The following ARHGAP6 variants were observed in gnomAD, a reference collection of about 807,000 sequenced individuals.
ARHGAP6 encodes the protein rho GTPase-activating protein 6.
A neutral mutation model predicts 55.7 loss-of-function variants in ARHGAP6; 16 were observed. The ratio of observed to expected loss-of-function variants is 0.29; its 90% CI spans 0.19 to 0.44. ARHGAP6 has a LOEUF of 0.44. Among genes scored for constraint, ARHGAP6 ranks in the 20% least tolerant of loss-of-function variants. The pLI is 1.00. For synonymous variants in ARHGAP6, 382 were observed against 360.9 expected (o/e 1.06, Z -0.66); for missense variants, 698 against 808.9 (o/e 0.86, Z 1.66).
intron 1 of ARHGAP6, among the ~76,000 whole-genome samples, chrX:11,282,653 T>G (rs2047872020): frequency 8.9e-6 from 1 of 112,165 alleles, no homozygotes; most frequent in African/African-American, 3.2e-5. Flanking sequence ...GAAACAGAAT[T>G]TCTGGAGGTG....
chrX:11,266,046 T>C (rs992236510), intron 1 of ARHGAP6: 6 of 338,263 alleles, frequency 1.8e-5, no homozygotes, highest in Admixed American at 9.9e-5. Context: ...TGTGTGTGTG[T>C]GTGTGTGTGT....
chrX:11,196,949 C>T lies in ARHGAP6; in HGVS notation c.796G>A (p.Gly266Arg). The part of the protein sequence containing the change: ...KSLRKKLDSL[G>R]KEKNKDKEFI... ...CCTTTGTCTTTGTTTTTCTCCTTTCCTAGTGAATCCAGTTTCTTTCTTAAA... is the reference window on the plus strand; with the variant it reads ...CCTTTGTCTTTGTTTTTCTCCTTTCTTAGTGAATCCAGTTTCTTTCTTAAA... The change falls in exon 3 of 13, where the codon GGA becomes AGA. Residue 266 changes from glycine to arginine, a missense_variant. This residue lies in a region of ARHGAP6 where 322 missense variants were observed against 451.1 expected (regional missense o/e 0.71). Transcript: ENST00000337414. 9.0e-7 allele frequency: 1 copy of T among 1,106,480 alleles called. No individual in the cohort carries two copies. The highest frequency in any genetic ancestry group is 1.2e-6 in the Non-Finnish European group (1 of 801,157). The allele number at this position is 1,106,480 out of a possible 1,213,427, so 91.2% of individuals were successfully genotyped here.
intron 5 of ARHGAP6, among the ~76,000 whole-genome samples, chrX:11,183,719 C>G: frequency 9.0e-6 from 1 of 111,578 alleles, no homozygotes; most frequent in Non-Finnish European, 1.9e-5. Context: ...TTGGACACTC[C>G]ATAGTGTCAT....
At chrX:11,520,632 G>A (rs2050913005) in intron 1 of ARHGAP6, among the ~76,000 whole-genome samples, 1 of 111,241 alleles carries the variant, frequency 9.0e-6, no homozygotes, top group African/African-American at 3.3e-5. Context: ...ACGTATGCAT[G>A]TGTCTTTATA....
At chrX:11,479,011 G>A (rs1447306279) in intron 1 of ARHGAP6, among the ~76,000 whole-genome samples, 1 of 111,951 alleles carries the variant, frequency 8.9e-6, no homozygotes, top group Non-Finnish European at 1.9e-5. Flanking sequence ...AAAGCTCCAG[G>A]CAGGCAATGG....
At chrX:11,406,570 T>C (rs2049611757) in intron 1 of ARHGAP6, among the ~76,000 whole-genome samples, 1 of 111,274 alleles carries the variant, frequency 9.0e-6, no homozygotes, top group South Asian at 3.8e-4. Context: ...CAGATTATGG[T>C]ACATTCACCC....
At chrX:11,359,936 C>G (rs1481926412) in intron 1 of ARHGAP6, among the ~76,000 whole-genome samples, 1 of 111,661 alleles carries the variant, frequency 9.0e-6, no homozygotes, top group East Asian at 2.8e-4. Flanking sequence ...AACACATACA[C>G]CCTCCCAAGA....
chrX:11,404,350 T>C (rs1001892395), intron 1 of ARHGAP6, among the ~76,000 whole-genome samples: 1 of 111,797 alleles, frequency 8.9e-6, no homozygotes, highest in Admixed American at 9.6e-5. Flanking sequence ...AAGCAAGAGA[T>C]TCCAAAGGCA....
At chrX:11,161,250 G>A (rs2147293833) in intron 9 of ARHGAP6, among the ~76,000 whole-genome samples, 1 of 112,066 alleles carries the variant, frequency 8.9e-6, no homozygotes, top group South Asian at 3.7e-4. Context: ...CAAACTACTG[G>A]CTCAGTTATA....
At chrX:11,346,748 A>AAAGAAAGT (rs1362955049) in intron 1 of ARHGAP6, among the ~76,000 whole-genome samples, 1 of 110,906 alleles carries the variant, frequency 9.0e-6, no homozygotes, top group African/African-American at 3.3e-5. Flanking sequence ...AGAAAGAAAG[A>AAAGAAAGT]AAGAAAGAGA....
chrX:11,605,968 G>A (rs1362977271), intron 1 of ARHGAP6, among the ~76,000 whole-genome samples: 1 of 110,629 alleles, frequency 9.0e-6, no homozygotes, highest in Non-Finnish European at 1.9e-5. Flanking sequence ...AAGTTGTGGG[G>A]CATGGAGTGC....
chrX:11,652,917 C>A (rs1258926959), intron 1 of ARHGAP6, among the ~76,000 whole-genome samples: 1 of 111,697 alleles, frequency 9.0e-6, no homozygotes. Context: ...TAAAATCAGT[C>A]TAGAAATGCT....
intron 1 of ARHGAP6, among the ~76,000 whole-genome samples, chrX:11,516,928 C>G (rs755421702): frequency 3.8e-4 from 43 of 111,734 alleles, no homozygotes; most frequent in Admixed American, 3.0e-3. Flanking sequence ...CTTCAAGGCC[C>G]CTATTCACTT....
At chrX:11,233,026 G>A (rs1304978660) in intron 2 of ARHGAP6, among the ~76,000 whole-genome samples, 1 of 112,255 alleles carries the variant, frequency 8.9e-6, no homozygotes, top group Non-Finnish European at 1.9e-5. Context: ...AAGAGTAAAT[G>A]GTGAATACAC....
At chrX:11,361,039 G>A (rs1312913092) in intron 1 of ARHGAP6, among the ~76,000 whole-genome samples, 1 of 110,321 alleles carries the variant, frequency 9.1e-6, no homozygotes. Flanking sequence ...CCATGCTCAT[G>A]GGTAGGAAGA....
At chrX:11,383,445 C>G (rs1484101960) in intron 1 of ARHGAP6, among the ~76,000 whole-genome samples, 1 of 110,798 alleles carries the variant, frequency 9.0e-6, no homozygotes, top group Non-Finnish European at 1.9e-5. Flanking sequence ...AAGATATGCC[C>G]CCTTCTCTCT....
chrX:11,638,513 T>C lies in ARHGAP6; in HGVS notation c.588+25728A>G, dbSNP rs372581687. ...TTACTGTCATCTGAAATTCATTCTA[T>C]ACCCCCTATTAAAATCTCTACTTGT... On this transcript the variant is annotated intron_variant, in intron 1 of 12. Transcript: ENST00000337414. 3.6e-5 allele frequency among the ~76,000 whole-genome samples: 4 copies of C among 111,673 alleles called. No homozygotes were observed. In the East Asian group the frequency reaches 8.4e-4, roughly 24 times the overall value.
intron 9 of ARHGAP6, among the ~76,000 whole-genome samples, chrX:11,166,503 C>T (rs1375048076): frequency 8.9e-6 from 1 of 112,246 alleles, no homozygotes; most frequent in African/African-American, 3.2e-5. Context: ...ATTCTGAAAG[C>T]TTCTTTAAAA....
At chrX:11,503,455 C>T (rs1199873227) in intron 1 of ARHGAP6, among the ~76,000 whole-genome samples, 1 of 111,589 alleles carries the variant, frequency 9.0e-6, no homozygotes, top group African/African-American at 3.3e-5. Context: ...AAAACAGGGA[C>T]TACATTTTAA....
Sources: gnomAD v4.1 joint callset for allele counts (sites outside exome capture counted in the v4.1 genomes callset) on GRCh38, gnomAD v4.1.1 for gene constraint, gnomAD v4.1.1 regional missense constraint, MANE v1.5 for transcripts, NCBI Gene and HGNC (gene_info 2026-07-23, HGNC 2026-07-21) for gene names.